CYP2C19: variants seen among roughly 807,000 people sequenced by gnomAD.
CYP2C19 encodes cytochrome P450 family 2 subfamily C member 19.
A neutral mutation model predicts 40.9 loss-of-function variants in CYP2C19; 59 were observed. That is an observed-to-expected ratio of 1.44 (90% CI 1.17 to 1.79). The LOEUF is 1.79. CYP2C19 is among the 40% of genes most tolerant of loss of function. The pLI is 0.00. For synonymous variants in CYP2C19, 253 were observed against 208.7 expected, an observed-to-expected ratio of 1.21 and a Z score of -1.83; for missense variants, 754 against 596.9, an observed-to-expected ratio of 1.26 and a Z score of -2.74.
intron 2 of CYP2C19, 62 bp from the exon 3 acceptor site, chr10:94,775,328 A>T (rs1848392523): frequency 1.2e-6 from 2 of 1,612,438 alleles, no homozygotes; most frequent in Non-Finnish European, 1.7e-6. Flanking sequence ...ATGGCTGCCC[A>T]GTGTCAGCTT....
intron 5 of CYP2C19, among the ~76,000 whole-genome samples, chr10:94,810,582 C>T: frequency 6.6e-6 from 1 of 152,088 alleles, no homozygotes; most frequent in East Asian, 1.9e-4. Flanking sequence ...TTGGTCTCTT[C>T]ACGGATTGGA....
At chr10:94,774,949 G>A in intron 1 of CYP2C19, 109 bp from the exon 2 acceptor site, 1 of 1,172,236 alleles carries the variant, frequency 8.5e-7, no homozygotes, top group Non-Finnish European at 1.2e-6. Flanking sequence ...TTGAGCCTGT[G>A]TGACTGAATA....
chr10:94,810,235 A>G (rs1166489633), intron 5 of CYP2C19, among the ~76,000 whole-genome samples: 2 of 152,178 alleles, frequency 1.3e-5, no homozygotes, highest in African/African-American at 4.8e-5. Flanking sequence ...GATGAAGCCA[A>G]CTTGATCGTG....
intron 5 of CYP2C19, among the ~76,000 whole-genome samples, chr10:94,793,464 G>C (rs1848638832): frequency 6.6e-6 from 1 of 152,130 alleles, no homozygotes; most frequent in African/African-American, 2.4e-5. Context: ...CAGATTTTCT[G>C]CTCTCGTTAC....
Position 94,850,059 on chromosome 10 carries a change from G to T in CYP2C19, c.1291+1G>T, listed in dbSNP as rs1241269738. The T allele has an allele frequency of 3.1e-6, 5 of 1,613,210 alleles. No individual in the cohort carries two copies. The highest frequency in any genetic ancestry group is 4.2e-6 in the Non-Finnish European group (5 of 1,179,426). The stretch of plus-strand genomic sequence containing the variant: ...AACTACTTCATGCCTTTCTCAGCAG[G>T]TAATATAAATTTATTTCCCTTTGTG... On this transcript the variant is annotated splice_donor_variant, in intron 8 of 8. Transcript: ENST00000371321. LOFTEE classifies it high-confidence loss of function.
rs139227756 is a variant in CYP2C19 at position 94,823,936 on chromosome 10, T to A, written c.961+3299T>A. 5.1e-3 allele frequency among the ~76,000 whole-genome samples: 776 copies of A among 152,288 alleles called. 13 individuals carry two copies. Among genetic ancestry groups the A allele is most frequent in the African/African-American group, 0.017 (713 of 41,562 alleles). ...GGCCTAGAAAACAACTACTTCAGAA[T>A]GAACCTGGTGGATAATTCAGAAGTG... On this transcript the variant is annotated intron_variant, in intron 6 of 8. Coordinates refer to ENST00000371321, the MANE Select transcript of CYP2C19 (RefSeq NM_000769.4).
rs534334629 is a variant in CYP2C19, at chr10:94,841,379, G to A, written c.962-1458G>A. Among the ~76,000 whole-genome samples, 13 of 152,192 alleles carry A rather than the reference G, an allele frequency of 8.5e-5. No homozygotes were observed. The South Asian group carries it at 2.1e-3, about 24-fold the overall frequency. On this transcript the variant is annotated intron_variant, in intron 6 of 8. Coordinates refer to ENST00000371321, the MANE Select transcript of CYP2C19 (RefSeq NM_000769.4). ...ATCTGGAGGGATGGAAGTCTGCAGC[G>A]GGTTTGCGATGGTGGCAAACAGCAG...
chr10:94,826,011 A>G (rs1274695951), intron 6 of CYP2C19, among the ~76,000 whole-genome samples: 1 of 149,378 alleles, frequency 6.7e-6, no homozygotes, highest in Non-Finnish European at 1.5e-5. Context: ...TGTTCCATTG[A>G]TCTATATCTC....
chr10:94,802,006 A>C lies in CYP2C19; in HGVS notation c.820-18490A>C, dbSNP rs138489459. Among the ~76,000 whole-genome samples, 477 of 152,250 alleles carry C rather than the reference A, an allele frequency of 3.1e-3. 3 individuals carry two copies. Among genetic ancestry groups the C allele is most frequent in the African/African-American group, 0.011 (451 of 41,534 alleles). ...TTGACATCATGGAAGGAGACCTTAG[A>C]GGGTTGCTTCTGCTGGCTGAGGTGG... On this transcript the variant is annotated intron_variant, in intron 5 of 8. Transcript: ENST00000371321.
rs542042738 is a variant in CYP2C19, at chr10:94,848,791, A to T, written c.1150-1126A>T. Among the ~76,000 whole-genome samples the T allele has an allele frequency of 1.6e-3, 239 of 152,252 alleles. 1 individual carries two copies. Among genetic ancestry groups the T allele is most frequent in the Non-Finnish European group, 2.7e-3 (186 of 68,018 alleles). On this transcript the variant is annotated intron_variant, in intron 7 of 8. Coordinates refer to ENST00000371321, the MANE Select transcript of CYP2C19 (RefSeq NM_000769.4). ...GTAGTTCTCCTTAAAGAGATCCTTC[A>T]CGTCCCTTGTAAGTTGGATTCCTAG...
intron 6 of CYP2C19, among the ~76,000 whole-genome samples, chr10:94,827,140 C>T (rs1412487560): frequency 6.6e-6 from 1 of 151,532 alleles, no homozygotes; most frequent in African/African-American, 2.4e-5. Flanking sequence ...GGTTGTGTCT[C>T]TGCCCGGCTT....
At chr10:94,820,694 G>A in intron 6 of CYP2C19, 57 bp downstream of exon 6, 1 of 1,601,226 alleles carries the variant, frequency 6.2e-7, no homozygotes, top group Non-Finnish European at 8.6e-7. Context: ...GGAAGGTGCT[G>A]CTAGTGTTCT....
chr10:94,787,471 T>A (rs1368670418), intron 5 of CYP2C19, among the ~76,000 whole-genome samples: 1 of 152,166 alleles, frequency 6.6e-6, no homozygotes, highest in Non-Finnish European at 1.5e-5. Flanking sequence ...TGATACTCTG[T>A]CTTGCTGTGC....
rs373408094 is a variant in CYP2C19 at position 94,789,103 on chromosome 10, C to T, written c.819+7106C>T. Among the ~76,000 whole-genome samples, 43 of 151,764 alleles carry T rather than the reference C, an allele frequency of 2.8e-4. 1 individual carries two copies. In the East Asian group the frequency reaches 4.6e-3, roughly 16 times the overall value. On this transcript the variant is annotated intron_variant, in intron 5 of 8. Coordinates refer to ENST00000371321, the MANE Select transcript of CYP2C19 (RefSeq NM_000769.4). The stretch of plus-strand genomic sequence containing the variant: ...GCATTCTTCTAATGACCAGTGATGA[C>T]GAGCTTTTTTTCATATGTTTTTTGG...
chr10:94,850,816 A>T (rs901528822), intron 8 of CYP2C19, among the ~76,000 whole-genome samples: 2 of 152,178 alleles, frequency 1.3e-5, no homozygotes, highest in African/African-American at 4.8e-5. Flanking sequence ...GGATGGGATC[A>T]GGGGGACATT....
intron 7 of CYP2C19, among the ~76,000 whole-genome samples, chr10:94,843,584 T>C (rs946898988): frequency 3.3e-5 from 5 of 152,226 alleles, no homozygotes; most frequent in Non-Finnish European, 7.3e-5. Context: ...TGTTGAAACA[T>C]AATTAGTTTT....
chr10:94,820,178 C>G (rs1056798169), intron 5 of CYP2C19, among the ~76,000 whole-genome samples: 13 of 151,918 alleles, frequency 8.6e-5, no homozygotes, highest in East Asian at 1.9e-4. Flanking sequence ...AAGCCCTTGA[C>G]AAAATTCAAC....
intron 5 of CYP2C19, among the ~76,000 whole-genome samples, chr10:94,810,900 A>C (rs543160509): frequency 8.1e-4 from 123 of 152,160 alleles, no homozygotes; most frequent in Non-Finnish European, 1.4e-3. Context: ...CTGCTCTGAT[A>C]TTAGTTATTT....
chr10:94,813,203 A>G (rs924954255), intron 5 of CYP2C19, among the ~76,000 whole-genome samples: 8 of 152,192 alleles, frequency 5.3e-5, no homozygotes, highest in African/African-American at 1.9e-4. Flanking sequence ...AGGAGGCCAC[A>G]GAACAGCAAA....
Sources: gnomAD v4.1 joint callset for allele counts (sites outside exome capture counted in the v4.1 genomes callset) on GRCh38, gnomAD v4.1.1 for gene constraint, MANE v1.5 for transcripts, NCBI Gene and HGNC (gene_info 2026-07-23, HGNC 2026-07-21) for gene names.